The following PLAC8 variants were observed in gnomAD, a reference collection of about 807,000 sequenced individuals.
PLAC8 encodes placenta-specific gene 8 protein.
Under a neutral mutation model 12.6 loss-of-function variants are expected in PLAC8, and 6 were observed. The ratio of observed to expected loss-of-function variants is 0.48; its 90% CI spans 0.26 to 0.94. PLAC8 has a LOEUF of 0.94. Ranked by LOEUF, PLAC8 falls within the 40% of genes least tolerant of loss-of-function variation. The pLI is 0.14. For synonymous variants in PLAC8, 54 were observed against 52.6 expected, an observed-to-expected ratio of 1.03 and a Z score of -0.11; for missense variants, 122 against 152.7, an observed-to-expected ratio of 0.80 and a Z score of 1.06.
intron 3 of PLAC8, among the ~76,000 whole-genome samples, chr4:83,102,429 C>A (rs1732120913): frequency 6.6e-6 from 1 of 152,160 alleles, no homozygotes; most frequent in South Asian, 2.1e-4. Flanking sequence ...GCCCCAGGTA[C>A]TCAGGAGGCT....
chr4:83,108,353 G>A (rs1732313260), intron 1 of PLAC8, among the ~76,000 whole-genome samples: 2 of 152,172 alleles, frequency 1.3e-5, no homozygotes, highest in South Asian at 4.1e-4. Flanking sequence ...GGCACTTTGG[G>A]AGGCCGAGGC....
chr4:83,094,778 T>C lies in PLAC8; in HGVS notation c.257A>G (p.Asp86Gly), dbSNP rs1731886115. ...ACAGCAAAGAGTTGCCATATAGTCA[T>C]CACAAATAGATCCCTGTTTGAAAAC... ...TRYGIPGSIC[D>G]DYMATLCCPH... The change falls in exon 4 of 5, where the codon GAT becomes GGT. Residue 86 changes from aspartate (D) to glycine (G), a missense_variant. By Grantham distance (94) the Asp-to-Gly change is moderately conservative. Coordinates refer to ENST00000311507, the MANE Select transcript of PLAC8 (RefSeq NM_016619.3). 6.3e-7 allele frequency: 1 copy of C among 1,578,094 alleles called. No individual in the cohort carries two copies. The highest frequency in any genetic ancestry group is 8.6e-7 in the Non-Finnish European group (1 of 1,162,306).
intron 3 of PLAC8, among the ~76,000 whole-genome samples, chr4:83,104,513 G>A (rs1382346443): frequency 1.3e-5 from 2 of 152,072 alleles, no homozygotes; most frequent in South Asian, 2.1e-4. Context: ...TATCTTTGAG[G>A]GAATTACTCC....
chr4:83,114,309 G>A (rs759116978), intron 1 of PLAC8, among the ~76,000 whole-genome samples: 15 of 152,070 alleles, frequency 9.9e-5, no homozygotes, highest in Non-Finnish European at 2.1e-4. Context: ...AAATTAGACC[G>A]GCATAAGTCA....
At chr4:83,092,431 G>C (rs1026610657) in intron 4 of PLAC8, among the ~76,000 whole-genome samples, 3 of 151,748 alleles carry the variant, frequency 2.0e-5, no homozygotes, top group African/African-American at 7.3e-5. Flanking sequence ...ATGAGGTCTT[G>C]CTATGTTGCC....
intron 1 of PLAC8, 120 bp from the exon 2 acceptor site, chr4:83,108,070 G>A: frequency 3.9e-6 from 1 of 259,556 alleles, no homozygotes; most frequent in Non-Finnish European, 8.2e-6. Context: ...CACCAACATG[G>A]CACATGTATA....
At chr4:83,112,113 G>A (rs972087969) in intron 1 of PLAC8, among the ~76,000 whole-genome samples, 2 of 151,296 alleles carry the variant, frequency 1.3e-5, no homozygotes, top group African/African-American at 2.4e-5. Flanking sequence ...GGTGGAGGTT[G>A]TGGTGAGCCA....
intron 3 of PLAC8, 152 bp downstream of exon 3, chr4:83,104,744 T>C: frequency 1.2e-6 from 1 of 813,904 alleles, no homozygotes; most frequent in Non-Finnish European, 2.0e-6. Context: ...AACCAGAAGA[T>C]CTGTTGCTAC....
At chr4:83,110,949 A>G (rs1732411392) in intron 1 of PLAC8, among the ~76,000 whole-genome samples, 1 of 152,188 alleles carries the variant, frequency 6.6e-6, no homozygotes, top group African/African-American at 2.4e-5. Flanking sequence ...TCCCTAGGTG[A>G]TTGGCTGATA....
At chr4:83,103,171 C>A (rs1017040322) in intron 3 of PLAC8, among the ~76,000 whole-genome samples, 1 of 151,388 alleles carries the variant, frequency 6.6e-6, no homozygotes, top group Non-Finnish European at 1.5e-5. Context: ...CCGAGGCGGG[C>A]GGATCACAAG....
intron 4 of PLAC8, chr4:83,093,819 A>C (rs1731863210): frequency 6.6e-6 from 1 of 152,152 alleles, no homozygotes; most frequent in Non-Finnish European, 1.5e-5. Context: ...TATCTTACCT[A>C]GTCTTAGATA....
chr4:83,099,882 C>T (rs7683957), intron 3 of PLAC8, among the ~76,000 whole-genome samples: 6 of 150,994 alleles, frequency 4.0e-5, no homozygotes, highest in South Asian at 2.1e-4. Flanking sequence ...GACGCACACC[C>T]GTACTCCCAG....
intron 3 of PLAC8, among the ~76,000 whole-genome samples, chr4:83,096,243 G>A (rs1382463698): frequency 2.0e-5 from 3 of 152,194 alleles, no homozygotes; most frequent in African/African-American, 7.2e-5. Flanking sequence ...AGTCAGTTAA[G>A]TTAGATCTCT....
intron 1 of PLAC8, among the ~76,000 whole-genome samples, chr4:83,111,176 C>T (rs1161965979): frequency 6.6e-6 from 1 of 152,116 alleles, no homozygotes; most frequent in African/African-American, 2.4e-5. Context: ...ACTATGTTGC[C>T]CAGGCTGACC....
At position 83,107,233 on chromosome 4, in the gene PLAC8, A is replaced by C. The variant is rs1398904763; in HGVS notation, c.118+571T>G. ...AACAAAAAAAAAAAACAAAAAAAAA[A>C]ACAAAGCAGTCAGAGATTTTTTTTC... On this transcript the variant is annotated intron_variant, in intron 2 of 4. Coordinates refer to ENST00000311507, the MANE Select transcript of PLAC8 (RefSeq NM_016619.3). Among the ~76,000 whole-genome samples the C allele has an allele frequency of 9.2e-5, 14 of 152,140 alleles. No homozygotes were observed. The East Asian group carries it at 1.2e-3, about 13-fold the overall frequency.
At chr4:83,112,508 A>G (rs1732447902) in intron 1 of PLAC8, among the ~76,000 whole-genome samples, 1 of 152,172 alleles carries the variant, frequency 6.6e-6, no homozygotes, top group South Asian at 2.1e-4. Flanking sequence ...CCTTTCTAGC[A>G]CAGATTACCT....
At chr4:83,092,850 G>A (rs1441442511) in intron 4 of PLAC8, 2 of 122,264 alleles carry the variant, frequency 1.6e-5, no homozygotes, top group Non-Finnish European at 3.2e-5. Flanking sequence ...GGGCTGGAGT[G>A]CAGTGGTGTG....
At chr4:83,108,089 A>T (rs542769304) in intron 1 of PLAC8, 139 bp from the exon 2 acceptor site, 28 of 190,662 alleles carry the variant, frequency 1.5e-4, no homozygotes, top group South Asian at 1.3e-3. Flanking sequence ...TACATATGTA[A>T]CAAACCTGCA....
At chr4:83,091,606 T>C (rs1345641790) in intron 4 of PLAC8, among the ~76,000 whole-genome samples, 1 of 152,242 alleles carries the variant, frequency 6.6e-6, no homozygotes, top group East Asian at 1.9e-4. Flanking sequence ...CCATACAGTA[T>C]AGAGAGTGCA....
Sources: allele counts gnomAD v4.1 joint callset (sites outside exome capture counted in the v4.1 genomes callset), GRCh38; gene constraint gnomAD v4.1.1; transcripts MANE v1.5; gene names NCBI Gene and HGNC (gene_info 2026-07-23, HGNC 2026-07-21).